Variants in PARD3B observed in about 807,000 individuals in gnomAD.
PARD3B encodes the protein par-3 family cell polarity regulator beta.
In PARD3B, 103 loss-of-function variants were observed where a neutral mutation model predicts 130.2. The observed-to-expected ratio is 0.79, with a 90% CI of 0.67 to 0.93. The LOEUF (loss-of-function observed/expected upper bound fraction) is 0.93, where lower values mean the gene tolerates loss of function less well. PARD3B is among the 40% of genes least tolerant of loss of function. The probability of loss-of-function intolerance (pLI) is 0.00; values close to 1 mark genes in which losing one functional copy is unlikely to be tolerated. For missense variants in PARD3B, 1,609 were observed against 1,499.2 expected, an observed-to-expected ratio of 1.07 and a Z score of -1.21; for synonymous variants, 583 against 553.2, an observed-to-expected ratio of 1.05 and a Z score of -0.76.
intron 2 of PARD3B, among the ~76,000 whole-genome samples, chr2:204,932,471 A>C (rs1273229665): frequency 6.6e-6 from 1 of 152,112 alleles, no homozygotes; most frequent in Non-Finnish European, 1.5e-5. Context: ...ATTTCTCCCT[A>C]AAGTAGGTGA....
intron 2 of PARD3B, among the ~76,000 whole-genome samples, chr2:204,909,276 T>C (rs1441770455): frequency 6.6e-6 from 1 of 152,154 alleles, no homozygotes; most frequent in Non-Finnish European, 1.5e-5. Context: ...ATCCATTCTG[T>C]GGAAATGAAA....
At chr2:205,282,945 C>G (rs1264080395) in intron 16 of PARD3B, among the ~76,000 whole-genome samples, 1 of 152,184 alleles carries the variant, frequency 6.6e-6, no homozygotes, top group African/African-American at 2.4e-5. Flanking sequence ...ATCAATACAG[C>G]TGAGCCCTGG....
chr2:205,178,143 TAAAAAAA>T (rs58267787), intron 13 of PARD3B, among the ~76,000 whole-genome samples: 7 of 20,770 alleles, frequency 3.4e-4, no homozygotes, highest in Admixed American at 1.2e-3. Context: ...CCATCTGTAC[TAAAAAAA>T]AAAAAAAAAA....
chr2:205,579,470 G>A (rs1392023626), intron 22 of PARD3B, among the ~76,000 whole-genome samples: 4 of 152,170 alleles, frequency 2.6e-5, no homozygotes, highest in Non-Finnish European at 5.9e-5. Flanking sequence ...AGGCAGCTGC[G>A]GTTATGAACC....
chr2:204,782,923 C>T (rs1448143021), intron 2 of PARD3B, among the ~76,000 whole-genome samples: 1 of 152,000 alleles, frequency 6.6e-6, no homozygotes, highest in Non-Finnish European at 1.5e-5. Context: ...AGTGGGTTTT[C>T]TGACAAGGAG....
At chr2:204,655,745 T>A (rs2035617255) in intron 1 of PARD3B, among the ~76,000 whole-genome samples, 1 of 152,034 alleles carries the variant, frequency 6.6e-6, no homozygotes, top group African/African-American at 2.4e-5. Context: ...GGTCAGCATA[T>A]ATATCTGAAT....
chr2:205,469,738 A>G (rs903820678), intron 20 of PARD3B, among the ~76,000 whole-genome samples: 7 of 152,218 alleles, frequency 4.6e-5, no homozygotes, highest in African/African-American at 1.4e-4. Context: ...CATCCCAGAG[A>G]ACGTTGCATT....
intron 20 of PARD3B, among the ~76,000 whole-genome samples, chr2:205,449,026 C>T (rs892139971): frequency 9.9e-5 from 15 of 151,748 alleles, no homozygotes; most frequent in East Asian, 8.0e-4. Context: ...ATTAGCTGGG[C>T]GTGGTGGCCC....
chr2:205,531,771 G>A (rs561617820), intron 21 of PARD3B, among the ~76,000 whole-genome samples: 1 of 152,096 alleles, frequency 6.6e-6, no homozygotes, highest in Non-Finnish European at 1.5e-5. Flanking sequence ...ACATTTAATT[G>A]CCTTATAAAC....
At chr2:205,491,863 T>G (rs2049729288) in intron 20 of PARD3B, among the ~76,000 whole-genome samples, 1 of 152,110 alleles carries the variant, frequency 6.6e-6, no homozygotes, top group Non-Finnish European at 1.5e-5. Context: ...AGCCAAGTTG[T>G]CAGATTGTTG....
rs745949126 is a variant in PARD3B at position 204,965,200 on chromosome 2, C to T, written c.271C>T (p.Pro91Ser). Residue 91 changes from proline (P) to serine (S), a missense_variant, in exon 3 of 23, where the codon CCC (proline) becomes TCC (serine). Physicochemically the swap from Pro to Ser is moderately conservative, Grantham distance 74 (BLOSUM62 -1). Transcript: ENST00000406610. The stretch of plus-strand genomic sequence containing the variant: ...AGAACCACTCCACAAGATTGAGAGC[C>T]CCAGTGGAAACCCTGCAGATCGGCA... Reference protein sequence around the residue: ...EQEPLHKIESPSGNPADRQSP... With the variant: ...EQEPLHKIESSSGNPADRQSP... 5.0e-6 allele frequency: 8 copies of T among 1,613,880 alleles called. No homozygotes were observed. Among genetic ancestry groups the T allele is most frequent in the Non-Finnish European group, 6.8e-6 (8 of 1,179,886 alleles).
At chr2:205,459,266 G>A (rs115683852) in intron 20 of PARD3B, among the ~76,000 whole-genome samples, 3,040 of 152,156 alleles carry the variant, frequency 0.02, 84 homozygotes, top group African/African-American at 0.063. Context: ...AGCTGTCTTG[G>A]GAGTTCTCCA....
At chr2:204,723,306 C>T (rs574126709) in intron 2 of PARD3B, among the ~76,000 whole-genome samples, 21 of 152,066 alleles carry the variant, frequency 1.4e-4, no homozygotes, top group Admixed American at 2.6e-4. Context: ...AATTCATAAA[C>T]GATTCAAATC....
At chr2:205,513,601 C>G (rs113432783) in intron 21 of PARD3B, among the ~76,000 whole-genome samples, 1 of 152,044 alleles carries the variant, frequency 6.6e-6, no homozygotes, top group African/African-American at 2.4e-5. Context: ...GTCATTTTCA[C>G]GTATGTTCTG....
Position 204,817,911 on chromosome 2 carries a change from G to GA in PARD3B, c.222+131635dup, listed in dbSNP as rs549280349. On this transcript the variant is annotated intron_variant, in intron 2 of 22. Transcript: ENST00000406610. ...AACTTGTATATTCTGTTTTTTGGTG[G>GA]AAAAAACTTTTTTTCAGGCAAGCAG... is the stretch of plus-strand genomic sequence containing the variant. Among the ~76,000 whole-genome samples the GA allele has an allele frequency of 3.0e-4, 45 of 152,092 alleles. 1 individual carries two copies. The East Asian group carries it at 6.4e-3, about 22-fold the overall frequency.
chr2:204,875,482 G>A (rs946922275), intron 2 of PARD3B, among the ~76,000 whole-genome samples: 2 of 152,118 alleles, frequency 1.3e-5, no homozygotes, highest in Non-Finnish European at 2.9e-5. Flanking sequence ...TTGATAAAAT[G>A]CAGATTCTGA....
chr2:205,042,329 G>C (rs989371981), intron 3 of PARD3B, among the ~76,000 whole-genome samples: 16 of 152,074 alleles, frequency 1.1e-4, no homozygotes, highest in African/African-American at 3.6e-4. Context: ...TGAGGACGTG[G>C]CTTGACTGGT....
chr2:204,844,595 G>C (rs2125593479), intron 2 of PARD3B, among the ~76,000 whole-genome samples: 1 of 152,216 alleles, frequency 6.6e-6, no homozygotes, highest in African/African-American at 2.4e-5. Flanking sequence ...GATGGCGGGG[G>C]CTGGGTGTTA....
intron 2 of PARD3B, among the ~76,000 whole-genome samples, chr2:204,726,793 C>G (rs2039250105): frequency 6.6e-6 from 1 of 152,210 alleles, no homozygotes; most frequent in African/African-American, 2.4e-5. Context: ...CATGTCCCTT[C>G]TTTCTCCTGT....
Sources: gnomAD v4.1 joint callset for allele counts (sites outside exome capture counted in the v4.1 genomes callset) on GRCh38, gnomAD v4.1.1 for gene constraint, MANE v1.5 for transcripts, NCBI Gene and HGNC (gene_info 2026-07-23, HGNC 2026-07-21) for gene names.